Variants in THSD4 observed in about 807,000 individuals in gnomAD.
THSD4 encodes the protein thrombospondin type-1 domain-containing protein 4.
Under a neutral mutation model 119.0 loss-of-function variants are expected in THSD4, and 69 were observed. The observed-to-expected ratio is 0.58, with a 90% CI of 0.48 to 0.71. THSD4 has a LOEUF of 0.71. Ranked by LOEUF, THSD4 falls within the 30% of genes least tolerant of loss-of-function variation. The probability of loss-of-function intolerance (pLI) is 0.00; values close to 1 mark genes in which losing one functional copy is unlikely to be tolerated. For missense variants in THSD4, 1,393 were observed against 1,391.1 expected, an observed-to-expected ratio of 1.00 and a Z score of -0.02; for synonymous variants, 524 against 540.4, an observed-to-expected ratio of 0.97 and a Z score of 0.42.
intron 5 of THSD4, among the ~76,000 whole-genome samples, chr15:71,244,622 G>A (rs1195460846): frequency 3.3e-5 from 5 of 152,164 alleles, no homozygotes; most frequent in South Asian, 2.1e-4. Context: ...ATCATTGCTT[G>A]TCTTGTAACA....
chr15:71,194,875 A>G (rs1402084159), intron 3 of THSD4, among the ~76,000 whole-genome samples: 4 of 152,172 alleles, frequency 2.6e-5, no homozygotes, highest in African/African-American at 9.7e-5. Context: ...GTGGGATGTT[A>G]CATCTGGAAT....
At chr15:71,496,460 T>G (rs2048019398) in intron 7 of THSD4, among the ~76,000 whole-genome samples, 1 of 152,166 alleles carries the variant, frequency 6.6e-6, no homozygotes, top group Non-Finnish European at 1.5e-5. Context: ...GTCTTTTTGT[T>G]CTATCACTCC....
chr15:71,424,693 C>T (rs1319047570), intron 7 of THSD4, among the ~76,000 whole-genome samples: 1 of 152,052 alleles, frequency 6.6e-6, no homozygotes, highest in South Asian at 2.1e-4. Context: ...ACAGAGAGCA[C>T]GATTATAATT....
chr15:71,728,819 A>G lies in THSD4; in HGVS notation c.1533+95A>G, dbSNP rs569700998. The G allele has an allele frequency of 1.0e-4, 154 of 1,502,424 alleles. 1 individual carries two copies. The South Asian group carries it at 1.4e-3, about 14-fold the overall frequency. The allele number at this position is 1,502,424 out of a possible 1,614,324, so 93.1% of individuals were successfully genotyped here. ...ACAAATAAGCAACAAATCATTGCCC[A>G]TACTCAATAAAAACCCTTTGAGCAG... On this transcript the variant is annotated intron_variant, in intron 9 of 17. Coordinates refer to ENST00000261862, the MANE Select transcript of THSD4 (RefSeq NM_024817.3).
chr15:71,241,618 T>G (rs2044153702), intron 4 of THSD4, among the ~76,000 whole-genome samples: 1 of 152,238 alleles, frequency 6.6e-6, no homozygotes, highest in Non-Finnish European at 1.5e-5. Context: ...TTTTACCTGC[T>G]CACCAGAGCT....
At chr15:71,632,961 T>C (rs1487409308) in intron 7 of THSD4, among the ~76,000 whole-genome samples, 4 of 152,226 alleles carry the variant, frequency 2.6e-5, no homozygotes, top group Non-Finnish European at 1.5e-5. Context: ...ACAGACCTTG[T>C]TAAAGGCAGT....
intron 6 of THSD4, among the ~76,000 whole-genome samples, chr15:71,332,107 T>G (rs146176513): frequency 1.6e-4 from 24 of 152,238 alleles, no homozygotes; most frequent in African/African-American, 5.1e-4. Context: ...GCAGCCAAAC[T>G]CAGCTGTCAG....
At chr15:71,322,397 A>G (rs2045280445) in intron 6 of THSD4, among the ~76,000 whole-genome samples, 1 of 152,196 alleles carries the variant, frequency 6.6e-6, no homozygotes, top group African/African-American at 2.4e-5. Context: ...AAAACTTGCT[A>G]GGCCTGTTAA....
intron 2 of THSD4, among the ~76,000 whole-genome samples, chr15:71,151,252 C>T (rs2040719963): frequency 6.6e-6 from 1 of 152,108 alleles, no homozygotes. Context: ...CCCCAAGTCC[C>T]CCTGAATGCT....
chr15:71,719,453 T>A (rs573097481), intron 8 of THSD4, among the ~76,000 whole-genome samples: 1 of 152,386 alleles, frequency 6.6e-6, no homozygotes, highest in South Asian at 2.1e-4. Context: ...GAGAAATGTT[T>A]GCTTTTCTTT....
chr15:71,440,131 G>T (rs2047070502), intron 7 of THSD4, among the ~76,000 whole-genome samples: 1 of 152,094 alleles, frequency 6.6e-6, no homozygotes, highest in Non-Finnish European at 1.5e-5. Context: ...GACTAAGGAA[G>T]GGAGATCAGT....
chr15:71,258,143 C>T (rs751021905), intron 6 of THSD4, among the ~76,000 whole-genome samples: 8 of 151,996 alleles, frequency 5.3e-5, no homozygotes, highest in African/African-American at 1.7e-4. Flanking sequence ...ATTGTACCAG[C>T]GTTAATGTCT....
At position 71,099,933 on chromosome 15, in the gene THSD4, C is replaced by T. The variant is rs76272940; in HGVS notation, c.-80+2927C>T. Among the ~76,000 whole-genome samples, 43 of 152,268 alleles carry T rather than the reference C, an allele frequency of 2.8e-4. 1 individual carries two copies. The East Asian group carries it at 7.1e-3, about 25-fold the overall frequency. Reference sequence around the variant, plus strand: ...TGTGATTGTGCCACATACAGTCATCCGGCCTGGGTGACAGTTTTCTTTGTT... The same window carrying T: ...TGTGATTGTGCCACATACAGTCATCTGGCCTGGGTGACAGTTTTCTTTGTT... On this transcript the variant is annotated intron_variant, in intron 1 of 17. Transcript: ENST00000355327.
At chr15:71,422,371 T>C (rs1315431295) in intron 7 of THSD4, among the ~76,000 whole-genome samples, 1 of 152,228 alleles carries the variant, frequency 6.6e-6, no homozygotes, top group African/African-American at 2.4e-5. Flanking sequence ...TCTAAGTCTT[T>C]GGTCACTGCA....
chr15:71,435,082 A>G (rs796249156), intron 7 of THSD4, among the ~76,000 whole-genome samples: 1 of 152,252 alleles, frequency 6.6e-6, no homozygotes, highest in African/African-American at 2.4e-5. Flanking sequence ...ATCAATGACA[A>G]ATGTGTGCTC....
rs113620716 is a variant in THSD4 at position 71,295,657 on chromosome 15, G to A, written c.1015+38942G>A. ...CAGTGGTTCTCAAATCTGCTGGAAC[G>A]TCAGAATCACCTGGGGACATTTTCT... On this transcript the variant is annotated intron_variant, in intron 6 of 17. Coordinates refer to ENST00000261862, the MANE Select transcript of THSD4 (RefSeq NM_024817.3). Among the ~76,000 whole-genome samples, 1,313 of 151,712 alleles carry A rather than the reference G, an allele frequency of 8.7e-3. 9 individuals are homozygous for A. Among genetic ancestry groups the A allele is most frequent in the Non-Finnish European group, 0.014 (927 of 67,972 alleles).
chr15:71,382,331 G>A (rs745394048), intron 6 of THSD4, among the ~76,000 whole-genome samples: 2 of 152,114 alleles, frequency 1.3e-5, no homozygotes, highest in Non-Finnish European at 2.9e-5. Context: ...CCAAGAAAAC[G>A]TTCTTCTTTT....
At chr15:71,683,235 A>G (rs1187603557) in intron 8 of THSD4, among the ~76,000 whole-genome samples, 3 of 151,950 alleles carry the variant, frequency 2.0e-5, no homozygotes, top group African/African-American at 4.8e-5. Flanking sequence ...CTTCTTTTCA[A>G]TAACAATTTT....
At chr15:71,436,131 AGT>A (rs576807641) in intron 7 of THSD4, among the ~76,000 whole-genome samples, 8 of 152,160 alleles carry the variant, frequency 5.3e-5, no homozygotes, top group Non-Finnish European at 1.2e-4. Context: ...CCCACAGCAC[AGT>A]TTGTCTTAAA....
Sources: allele counts gnomAD v4.1 joint callset (sites outside exome capture counted in the v4.1 genomes callset), GRCh38; gene constraint gnomAD v4.1.1; transcripts MANE v1.5; gene names NCBI Gene and HGNC (gene_info 2026-07-23, HGNC 2026-07-21).